The following RNF121 variants were observed in gnomAD, a reference collection of about 807,000 sequenced individuals.
RNF121 encodes E3 ubiquitin ligase RNF121.
A neutral mutation model predicts 46.5 loss-of-function variants in RNF121; 21 were observed. That is an observed-to-expected ratio of 0.45 (90% CI 0.32 to 0.65). The LOEUF (loss-of-function observed/expected upper bound fraction) is 0.65. Ranked by LOEUF, RNF121 falls within the 30% of genes least tolerant of loss-of-function variation. The probability of loss-of-function intolerance (pLI) is 0.04; values close to 1 mark genes in which losing one functional copy is unlikely to be tolerated. For synonymous variants in RNF121, 139 were observed against 144.7 expected, an observed-to-expected ratio of 0.96 and a Z score of 0.28; for missense variants, 346 against 416.0, an observed-to-expected ratio of 0.83 and a Z score of 1.46.
chr11:71,960,494 G>T (rs904008789), intron 2 of RNF121, among the ~76,000 whole-genome samples: 4 of 152,136 alleles, frequency 2.6e-5, no homozygotes, highest in African/African-American at 7.2e-5. Context: ...TCTTCCATGG[G>T]GGCAGGCAGC....
At position 71,978,783 on chromosome 11, in the gene RNF121, AATAG is replaced by A. The variant is rs1172648073; in HGVS notation, c.244-3974_244-3971del. ...CATTTAACCCATACAACCTTCTGAG[AATAG>A]ATACTGTTAACCCCATTTTACCATA... On this transcript the variant is annotated intron_variant, in intron 3 of 8. Transcript: ENST00000361756. Among the ~76,000 whole-genome samples, 5 of 152,368 alleles carry A rather than the reference AATAG, an allele frequency of 3.3e-5. No individual in the cohort carries two copies. The East Asian group carries it at 9.6e-4, about 29-fold the overall frequency.
intron 3 of RNF121, chr11:71,962,062 G>T (rs996272461): frequency 6.6e-6 from 1 of 151,074 alleles, no homozygotes; most frequent in Non-Finnish European, 1.5e-5. Flanking sequence ...CCGCCTCCCG[G>T]GTTCACGCCA....
chr11:71,964,526 T>C (rs1001230380), intron 3 of RNF121, among the ~76,000 whole-genome samples: 4 of 152,076 alleles, frequency 2.6e-5, no homozygotes, highest in African/African-American at 9.7e-5. Flanking sequence ...TGGAATGCAG[T>C]GGTGCAGTAT....
At chr11:71,969,489 T>C (rs956409540) in intron 3 of RNF121, among the ~76,000 whole-genome samples, 4 of 152,142 alleles carry the variant, frequency 2.6e-5, no homozygotes, top group Non-Finnish European at 2.9e-5. Context: ...AAGTGGTATG[T>C]TTTCTTTTTT....
rs562488667 is a variant in RNF121 at position 71,987,312 on chromosome 11, AAGTC to A, written c.506+204_506+207del. On this transcript the variant is annotated intron_variant, in intron 5 of 8. Coordinates refer to ENST00000361756, the MANE Select transcript of RNF121 (RefSeq NM_018320.5). Reference sequence around the variant, plus strand: ...AGCAAGGAATGTCTGAATATATACAAAGTCAGAGTCCTAAATCATATTTTCCAAG... The same window carrying A: ...AGCAAGGAATGTCTGAATATATACAAAGAGTCCTAAATCATATTTTCCAAG... Among the ~76,000 whole-genome samples, 15 of 152,336 alleles carry A rather than the reference AAGTC, an allele frequency of 9.8e-5. No homozygotes were observed. In the South Asian group the frequency reaches 2.9e-3, roughly 29 times the overall value.
chr11:71,983,969 C>T (rs1954714562), intron 4 of RNF121, among the ~76,000 whole-genome samples: 1 of 152,210 alleles, frequency 6.6e-6, no homozygotes, highest in South Asian at 2.1e-4. Context: ...TCCATAAGTT[C>T]CTCTCTGGCT....
chr11:71,960,814 C>T lies in RNF121; in HGVS notation c.166C>T (p.Leu56Phe), dbSNP rs1490723014. 1.3e-5 allele frequency: 21 copies of T among 1,614,180 alleles called. No individual in the cohort carries two copies. In the East Asian group the frequency reaches 4.7e-4, roughly 36 times the overall value. ...GHEAMHAEMV[L>F]ILIATLVVAQ... Reference sequence around the variant, plus strand: ...TGAAGCTATGCATGCTGAAATGGTCCTCATCCTCATCGCAACCTTGGTGGT... The same window carrying T: ...TGAAGCTATGCATGCTGAAATGGTCTTCATCCTCATCGCAACCTTGGTGGT... Residue 56 changes from leucine (L) to phenylalanine (F), a missense_variant, in exon 3 of 9, where the codon CTC becomes TTC. Leu to Phe is a conservative substitution (Grantham distance 22, BLOSUM62 0). Transcript: ENST00000361756.
intron 3 of RNF121, among the ~76,000 whole-genome samples, chr11:71,982,465 CTG>C (rs1954684779): frequency 6.6e-6 from 1 of 151,828 alleles, no homozygotes; most frequent in South Asian, 2.1e-4. Flanking sequence ...AGGATGGACA[CTG>C]AATGCAGGGA....
intron 4 of RNF121, 134 bp downstream of exon 4, chr11:71,983,049 A>C (rs557102243): frequency 1.4e-6 from 1 of 733,198 alleles, no homozygotes; most frequent in Non-Finnish European, 2.0e-6. Context: ...GGGCCTCTCT[A>C]AAACAAGCTG....
chr11:71,948,169 T>C (rs1953770994), intron 1 of RNF121, among the ~76,000 whole-genome samples: 1 of 152,098 alleles, frequency 6.6e-6, no homozygotes, highest in Non-Finnish European at 1.5e-5. Context: ...GGATAGCAAT[T>C]GAAGAACCAA....
chr11:71,995,338 C>T, intron 7 of RNF121, 112 bp from the exon 8 acceptor site: 1 of 811,104 alleles, frequency 1.2e-6, no homozygotes, highest in Non-Finnish European at 2.1e-6. Context: ...GGGACTTGCC[C>T]AACATTACAG....
intron 3 of RNF121, among the ~76,000 whole-genome samples, chr11:71,982,349 A>AAAAAG (rs1203698556): frequency 6.6e-6 from 1 of 150,898 alleles, no homozygotes; most frequent in Non-Finnish European, 1.5e-5. Context: ...AAAAAAAAAA[A>AAAAAG]AAAAAGGAAT....
chr11:71,957,815 C>T (rs1954027361), intron 2 of RNF121, among the ~76,000 whole-genome samples: 1 of 152,152 alleles, frequency 6.6e-6, no homozygotes, highest in Admixed American at 6.6e-5. Context: ...CATCATATAT[C>T]TTATGATGAT....
intron 6 of RNF121, among the ~76,000 whole-genome samples, chr11:71,993,456 A>T (rs928907624): frequency 8.9e-6 from 1 of 112,912 alleles, no homozygotes; most frequent in Non-Finnish European, 1.9e-5. Context: ...TGTAAATGGA[A>T]TCATACAATA....
intron 3 of RNF121, among the ~76,000 whole-genome samples, chr11:71,971,972 G>A (rs1452178912): frequency 6.6e-6 from 1 of 152,156 alleles, no homozygotes; most frequent in Non-Finnish European, 1.5e-5. Flanking sequence ...GGAGTTGGAG[G>A]CAATCTGGAT....
intron 1 of RNF121, among the ~76,000 whole-genome samples, chr11:71,934,685 T>C (rs1031657086): frequency 6.6e-6 from 1 of 152,194 alleles, no homozygotes; most frequent in Non-Finnish European, 1.5e-5. Flanking sequence ...CTCTGGATTT[T>C]TTTTAGGCAT....
intron 2 of RNF121, among the ~76,000 whole-genome samples, chr11:71,960,017 G>A (rs935318736): frequency 1.3e-5 from 2 of 152,160 alleles, no homozygotes; most frequent in African/African-American, 4.8e-5. Context: ...CAAGTTTTTA[G>A]CCAGTATTAG....
At chr11:71,964,590 A>G (rs1954227845) in intron 3 of RNF121, among the ~76,000 whole-genome samples, 1 of 151,826 alleles carries the variant, frequency 6.6e-6, no homozygotes, top group Non-Finnish European at 1.5e-5. Flanking sequence ...TGATCCTCCC[A>G]CCTCAGACTT....
intron 5 of RNF121, among the ~76,000 whole-genome samples, chr11:71,988,205 C>T (rs1437138239): frequency 6.6e-6 from 1 of 152,146 alleles, no homozygotes; most frequent in Non-Finnish European, 1.5e-5. Context: ...TCCAAAAGAT[C>T]TTTATTAGCT....
Sources: allele counts gnomAD v4.1 joint callset (sites outside exome capture counted in the v4.1 genomes callset), GRCh38; gene constraint gnomAD v4.1.1; transcripts MANE v1.5; gene names NCBI Gene and HGNC (gene_info 2026-07-23, HGNC 2026-07-21).